The following SLC12A7 variants were observed in gnomAD, a reference collection of about 807,000 sequenced individuals.
SLC12A7 encodes K-Cl cotransporter 4.
SLC12A7 carries 100 observed loss-of-function variants against 120.6 expected under a neutral mutation model. The ratio of observed to expected loss-of-function variants is 0.83; its 90% CI spans 0.71 to 0.98. The LOEUF is 0.98. Among genes scored for constraint, SLC12A7 ranks in the 50% least tolerant of loss-of-function variants. The pLI is 0.00. For missense variants in SLC12A7, 1,373 were observed against 1,548.1 expected (o/e 0.89, Z 1.90); for synonymous variants, 760 against 678.0 (o/e 1.12, Z -1.88).
chr5:1,088,341 G>A lies in SLC12A7; in HGVS notation c.509C>T (p.Ser170Phe). ...CCTCTMLTAI[S>F]MSAIATNGVV... ...ACCGTTGGTAGCGATCGCACTCATG[G>A]AAATGGCGGTCAGCATTGTCTGCAA... The change falls in exon 5 of 24, where the codon TCC (serine) becomes TTC (phenylalanine). Residue 170 changes from serine (S) to phenylalanine (F), a missense_variant. By Grantham distance (155) the Ser-to-Phe change is radical (BLOSUM62 -2). Transcript: ENST00000264930. 3 of 1,587,614 alleles carry A rather than the reference G, an allele frequency of 1.9e-6. No homozygotes were observed. Among genetic ancestry groups the A allele is most frequent in the Non-Finnish European group, 2.6e-6 (3 of 1,167,564 alleles).
At chr5:1,096,066 G>A (rs766238194) in intron 1 of SLC12A7, among the ~76,000 whole-genome samples, 2 of 152,352 alleles carry the variant, frequency 1.3e-5, no homozygotes, top group East Asian at 3.9e-4. Context: ...TCTAGAGACC[G>A]TGATTGGGCC....
chr5:1,149,094 C>A, the SLC12A7 span, among the ~76,000 whole-genome samples: 1 of 130,690 alleles, frequency 7.7e-6, no homozygotes. Context: ...TCTCTCTGAG[C>A]CCCTACACCC....
At chr5:1,101,636 T>C (rs1013940165) in intron 1 of SLC12A7, among the ~76,000 whole-genome samples, 2 of 152,212 alleles carry the variant, frequency 1.3e-5, no homozygotes, top group Admixed American at 6.5e-5. Context: ...TACCTCTTCA[T>C]TTTATTATAA....
intron 9 of SLC12A7, among the ~76,000 whole-genome samples, chr5:1,080,186 CGG>C (rs1561068329): frequency 4.0e-5 from 6 of 149,650 alleles, no homozygotes; most frequent in South Asian, 2.1e-4. Flanking sequence ...CAGAGACACC[CGG>C]AGCCACGCAG....
At chr5:1,090,902 G>T (rs1740421866) in intron 3 of SLC12A7, among the ~76,000 whole-genome samples, 2 of 152,330 alleles carry the variant, frequency 1.3e-5, no homozygotes, top group East Asian at 3.9e-4. Flanking sequence ...CCTTGAAAAG[G>T]CTCCTCAATG....
intron 8 of SLC12A7, among the ~76,000 whole-genome samples, 181 bp downstream of exon 8, chr5:1,083,564 A>T (rs1246573542): frequency 1.3e-5 from 2 of 152,136 alleles, no homozygotes; most frequent in African/African-American, 4.8e-5. Context: ...TTTGGCTTCT[A>T]TGGCTCTGCC....
intron 1 of SLC12A7, among the ~76,000 whole-genome samples, chr5:1,105,477 C>T (rs572307431): frequency 2.6e-5 from 4 of 152,256 alleles, no homozygotes; most frequent in Non-Finnish European, 2.9e-5. Flanking sequence ...GCCTGCCCCC[C>T]GGCACTCCCG....
At chr5:1,060,293 C>T (rs371351261) in intron 21 of SLC12A7, 51 bp downstream of exon 21, 24 of 1,381,304 alleles carry the variant, frequency 1.7e-5, no homozygotes, top group South Asian at 2.3e-5. Flanking sequence ...TCGGCGAAGT[C>T]GGCTATACTT....
intron 11 of SLC12A7, among the ~76,000 whole-genome samples, chr5:1,078,366 C>T (rs550859209): frequency 2.6e-5 from 4 of 152,036 alleles, no homozygotes; most frequent in South Asian, 2.1e-4. Flanking sequence ...GATGACCTGC[C>T]TGGGACCCCA....
In SLC12A7 at chr5:1,075,501, G is replaced by T. The variant is rs754320768; in HGVS notation, c.1848-11C>A. ...AGAAAGGACAGGGTCCTGGGGGCGG[G>T]GCAAGTGGCTCGGGGCGGCCCAACG... On this transcript the variant is annotated splice_polypyrimidine_tract_variant and intron_variant, in intron 14 of 23. Coordinates refer to ENST00000264930, the MANE Select transcript of SLC12A7 (RefSeq NM_006598.3). 6.2e-7 allele frequency: 1 copy of T among 1,607,664 alleles called. No individual in the cohort carries two copies. The highest frequency in any genetic ancestry group is 2.2e-5 in the East Asian group (1 of 44,686).
rs117860268 is a variant in SLC12A7, at chr5:1,052,923, G to A, written c.3160+426C>T. 9.8e-3 allele frequency among the ~76,000 whole-genome samples: 1,498 copies of A among 152,354 alleles called. 20 individuals are homozygous for A. Among genetic ancestry groups the A allele is most frequent in the East Asian group, 0.043 (224 of 5,182 alleles). ...TGCACTGCGGAGTTCTCCTTCCAAAGCACAAATTCCCAAAGCTGCGACCAA... is the reference window on the plus strand; with the variant it reads ...TGCACTGCGGAGTTCTCCTTCCAAAACACAAATTCCCAAAGCTGCGACCAA... On this transcript the variant is annotated intron_variant, in intron 23 of 23. Coordinates refer to ENST00000264930, the MANE Select transcript of SLC12A7 (RefSeq NM_006598.3).
intron 5 of SLC12A7, 24 bp downstream of exon 5, chr5:1,088,282 C>A (rs934731220): frequency 6.4e-7 from 1 of 1,573,792 alleles, no homozygotes; most frequent in Non-Finnish European, 8.6e-7. Flanking sequence ...GGACTCAGGG[C>A]CGCGGCTGGC....
chr5:1,107,586 C>G (rs547258990), intron 1 of SLC12A7, among the ~76,000 whole-genome samples: 1 of 152,224 alleles, frequency 6.6e-6, no homozygotes, highest in Admixed American at 6.5e-5. Context: ...TGTGTGACTT[C>G]GGCCCCGACC....
At chr5:1,093,145 C>T (rs6554595) in intron 3 of SLC12A7, among the ~76,000 whole-genome samples, 69,524 of 151,968 alleles carry the variant, frequency 0.46, 16,341 homozygotes, top group Admixed American at 0.61. Flanking sequence ...AAAAGGAGGG[C>T]GGCCCCTGGG....
intron 22 of SLC12A7, among the ~76,000 whole-genome samples, chr5:1,055,483 G>T (rs1018109496): frequency 6.6e-6 from 1 of 152,224 alleles, no homozygotes; most frequent in South Asian, 2.1e-4. Context: ...CCGACCTCCA[G>T]ATCTTCGGAG....
In SLC12A7 at chr5:1,086,929, T is replaced by C. The variant is rs1367438381; in HGVS notation, c.649A>G (p.Ile217Val). 7.4e-6 allele frequency: 12 copies of C among 1,612,558 alleles called. No individual in the cohort carries two copies. The highest frequency in any genetic ancestry group is 1.7e-5 in the Admixed American group (1 of 59,968). Reference protein sequence around the residue: ...LGTTFAGAMYILGTIEIFLTY... With the variant: ...LGTTFAGAMYVLGTIEIFLTY... ...AGAAAAATCTCGATGGTCCCCAAAA[T>C]ATACATGGCCCCTGCAAACGTCGTG... is the stretch of plus-strand genomic sequence containing the variant. Residue 217 changes from isoleucine to valine, a missense_variant, in exon 6 of 24, where the codon ATT becomes GTT. Ile to Val is a conservative substitution (Grantham distance 29). Coordinates refer to ENST00000264930, the MANE Select transcript of SLC12A7 (RefSeq NM_006598.3).
chr5:1,089,227 G>T (rs1459636724), intron 3 of SLC12A7, 99 bp from the exon 4 acceptor site: 8 of 1,375,710 alleles, frequency 5.8e-6, no homozygotes, highest in Middle Eastern at 1.9e-4. Context: ...CAAAGCGGCC[G>T]TGGGGGCAGG....
At chr5:1,078,662 A>G (rs781264935) in intron 11 of SLC12A7, 39 bp downstream of exon 11, 6 of 1,542,132 alleles carry the variant, frequency 3.9e-6, no homozygotes, top group Non-Finnish European at 5.4e-6. Flanking sequence ...ACCCTTGAAG[A>G]CTACAGGCTT....
At chr5:1,089,860 C>A (rs1321338100) in intron 3 of SLC12A7, among the ~76,000 whole-genome samples, 1 of 151,734 alleles carries the variant, frequency 6.6e-6, no homozygotes, top group East Asian at 1.9e-4. Flanking sequence ...TCGGGACGGG[C>A]CAGGCTGGGG....
Sources: allele counts gnomAD v4.1 joint callset (sites outside exome capture counted in the v4.1 genomes callset), GRCh38; gene constraint gnomAD v4.1.1; transcripts MANE v1.5; gene names NCBI Gene and HGNC (gene_info 2026-07-23, HGNC 2026-07-21).